Variants in LRP1B observed in about 807,000 individuals in gnomAD.
LRP1B encodes low-density lipoprotein receptor-related protein 1B.
Under a neutral mutation model 556.6 loss-of-function variants are expected in LRP1B, and 217 were observed. That is an observed-to-expected ratio of 0.39 (90% CI 0.35 to 0.44). The LOEUF (loss-of-function observed/expected upper bound fraction) is 0.44, where lower values mean the gene tolerates loss of function less well. Among genes scored for constraint, LRP1B ranks in the 20% least tolerant of loss-of-function variants. The pLI, the probability that LRP1B is intolerant of heterozygous loss-of-function variation, is 1.00. For missense variants in LRP1B, 5,053 were observed against 5,620.8 expected (o/e 0.90, Z 3.23); for synonymous variants, 2,047 against 1,865.8 (o/e 1.10, Z -2.50).
chr2:140,870,553 T>C (rs1158891964), intron 25 of LRP1B, among the ~76,000 whole-genome samples: 1 of 152,246 alleles, frequency 6.6e-6, no homozygotes, highest in African/African-American at 2.4e-5. Flanking sequence ...TTCAGGACAC[T>C]TGAACCTTCA....
intron 1 of LRP1B, among the ~76,000 whole-genome samples, chr2:142,059,841 G>A (rs984410698): frequency 1.3e-5 from 2 of 152,006 alleles, no homozygotes; most frequent in Admixed American, 1.3e-4. Context: ...TGAAATAAAA[G>A]TATTGGGATA....
chr2:141,188,031 T>C (rs898762897), intron 7 of LRP1B, among the ~76,000 whole-genome samples: 13 of 152,042 alleles, frequency 8.6e-5, no homozygotes, highest in Admixed American at 2.6e-4. Flanking sequence ...GATATAAGTA[T>C]GTCAACAGTA....
intron 72 of LRP1B, 117 bp from the exon 73 acceptor site, chr2:140,359,063 T>C (rs1213788284): frequency 2.2e-5 from 23 of 1,053,468 alleles, no homozygotes; most frequent in Non-Finnish European, 2.9e-5. Context: ...CTAAATATCT[T>C]TTTTGTTGTG....
chr2:141,055,620 A>G (rs1266651559), intron 9 of LRP1B, among the ~76,000 whole-genome samples: 2 of 152,010 alleles, frequency 1.3e-5, no homozygotes, highest in Admixed American at 6.6e-5. Context: ...AAGATCCACA[A>G]AAATAATCCC....
At chr2:141,469,529 C>T (rs576246639) in intron 3 of LRP1B, among the ~76,000 whole-genome samples, 41 of 152,230 alleles carry the variant, frequency 2.7e-4, no homozygotes, top group South Asian at 1.0e-3. Context: ...TAAGGTCTTC[C>T]AGCTGTGTCT....
chr2:141,007,112 A>G (rs1697597699), intron 14 of LRP1B, among the ~76,000 whole-genome samples: 1 of 151,930 alleles, frequency 6.6e-6, no homozygotes, highest in Non-Finnish European at 1.5e-5. Context: ...AAGAGCTTTT[A>G]ATTACTTAGA....
At chr2:141,262,187 A>G (rs149607123) in intron 3 of LRP1B, among the ~76,000 whole-genome samples, 7 of 151,940 alleles carry the variant, frequency 4.6e-5, no homozygotes, top group African/African-American at 1.7e-4. Flanking sequence ...CATATATGTT[A>G]TCTGCAGAGA....
At chr2:140,331,446 A>T (rs981175119) in intron 79 of LRP1B, among the ~76,000 whole-genome samples, 2 of 151,942 alleles carry the variant, frequency 1.3e-5, no homozygotes, top group African/African-American at 4.8e-5. Flanking sequence ...CACATATTCG[A>T]ATCACTCCTT....
chr2:141,508,459 G>A (rs1684010156), intron 2 of LRP1B, among the ~76,000 whole-genome samples: 1 of 152,108 alleles, frequency 6.6e-6, no homozygotes, highest in Non-Finnish European at 1.5e-5. Flanking sequence ...TCAGAAGTTA[G>A]CTTCCATTCT....
At chr2:141,233,880 A>G (rs895982795) in intron 5 of LRP1B, among the ~76,000 whole-genome samples, 1 of 151,864 alleles carries the variant, frequency 6.6e-6, no homozygotes, top group Non-Finnish European at 1.5e-5. Flanking sequence ...GTATATATAT[A>G]TGTATATCAT....
At chr2:140,827,687 G>T (rs1691557747) in intron 31 of LRP1B, among the ~76,000 whole-genome samples, 1 of 151,910 alleles carries the variant, frequency 6.6e-6, no homozygotes. Flanking sequence ...AAGAGCAAGG[G>T]GGTAGAAAAC....
At chr2:141,894,980 G>A (rs558402340) in intron 1 of LRP1B, among the ~76,000 whole-genome samples, 8 of 150,272 alleles carry the variant, frequency 5.3e-5, no homozygotes, top group African/African-American at 1.7e-4. Flanking sequence ...CCCAAGAGGC[G>A]GAGGTTGCAG....
chr2:141,761,783 G>A (rs1324288748), intron 2 of LRP1B, among the ~76,000 whole-genome samples: 4 of 152,096 alleles, frequency 2.6e-5, no homozygotes, highest in African/African-American at 7.2e-5. Flanking sequence ...TCATCAAAAG[G>A]AATATGCAGG....
chr2:142,115,342 G>A (rs902460001), intron 1 of LRP1B, among the ~76,000 whole-genome samples: 3 of 148,538 alleles, frequency 2.0e-5, no homozygotes, highest in Non-Finnish European at 4.4e-5. Flanking sequence ...GGTAGAGGAG[G>A]CAAACTGAAA....
Position 141,514,820 on chromosome 2 carries a change from T to C in LRP1B, c.206-34287A>G, listed in dbSNP as rs560374916. Reference sequence around the variant, plus strand: ...TAAGGTGTTTCATATCTCATCTAATTAACTGGATACTATCCTGAAAGTAAA... The same window carrying C: ...TAAGGTGTTTCATATCTCATCTAATCAACTGGATACTATCCTGAAAGTAAA... On this transcript the variant is annotated intron_variant, in intron 2 of 90. Coordinates refer to ENST00000389484, the MANE Select transcript of LRP1B (RefSeq NM_018557.3). Among the ~76,000 whole-genome samples, 11 of 149,892 alleles carry C rather than the reference T, an allele frequency of 7.3e-5. No homozygotes were observed. The South Asian group carries it at 1.5e-3, about 20-fold the overall frequency.
At chr2:141,533,370 T>C (rs1474910471) in intron 2 of LRP1B, among the ~76,000 whole-genome samples, 2 of 152,194 alleles carry the variant, frequency 1.3e-5, no homozygotes, top group East Asian at 3.8e-4. Context: ...CCGTGTTCTT[T>C]TATAATTATA....
chr2:141,632,510 A>G (rs1688950151), intron 2 of LRP1B, among the ~76,000 whole-genome samples: 1 of 152,214 alleles, frequency 6.6e-6, no homozygotes, highest in Non-Finnish European at 1.5e-5. Flanking sequence ...AGACGAGAGA[A>G]AAGTCAGTGC....
chr2:141,525,918 C>T (rs1480027798), intron 2 of LRP1B, among the ~76,000 whole-genome samples: 2 of 151,830 alleles, frequency 1.3e-5, no homozygotes, highest in East Asian at 1.9e-4. Context: ...GCTGGGTGTT[C>T]TTTGTTTTAT....
At position 141,041,260 on chromosome 2, in the gene LRP1B, T is replaced by C. The variant is rs143701934; in HGVS notation, c.1789+7726A>G. 6.6e-4 allele frequency among the ~76,000 whole-genome samples: 100 copies of C among 152,208 alleles called. No individual in the cohort carries two copies. In the East Asian group the frequency reaches 0.014, roughly 21 times the overall value. Reference sequence around the variant, plus strand: ...GAGCACAGACTCTGCCAGTTTCCTATTGTTGCTGTAACAAATTGTCACAAA... The same window carrying C: ...GAGCACAGACTCTGCCAGTTTCCTACTGTTGCTGTAACAAATTGTCACAAA... On this transcript the variant is annotated intron_variant, in intron 11 of 90. Coordinates refer to ENST00000389484, the MANE Select transcript of LRP1B (RefSeq NM_018557.3).
Sources: allele counts gnomAD v4.1 joint callset (sites outside exome capture counted in the v4.1 genomes callset), GRCh38; gene constraint gnomAD v4.1.1; transcripts MANE v1.5; gene names NCBI Gene and HGNC (gene_info 2026-07-23, HGNC 2026-07-21).